KCNK1: variants seen among roughly 807,000 people sequenced by gnomAD.
KCNK1 encodes the protein potassium channel subfamily K member 1.
Under a neutral mutation model 22.2 loss-of-function variants are expected in KCNK1, and 10 were observed. The observed-to-expected ratio is 0.45, with a 90% CI of 0.28 to 0.76. The LOEUF (loss-of-function observed/expected upper bound fraction) is 0.76, where lower values mean the gene tolerates loss of function less well. KCNK1 is among the 30% of genes least tolerant of loss of function. The pLI is 0.14. For synonymous variants in KCNK1, 200 were observed against 186.4 expected (o/e 1.07, Z -0.60); for missense variants, 378 against 421.0 (o/e 0.90, Z 0.89).
chr1:233,642,088 A>G (rs201913496), intron 1 of KCNK1, among the ~76,000 whole-genome samples: 7 of 94,472 alleles, frequency 7.4e-5, no homozygotes, highest in Admixed American at 7.1e-4. Context: ...TTAGGCAAAC[A>G]GAGGGAGGGC....
intron 1 of KCNK1, among the ~76,000 whole-genome samples, chr1:233,626,500 A>G (rs1054677369): frequency 1.3e-5 from 2 of 152,148 alleles, no homozygotes. Flanking sequence ...TTGGTACAGC[A>G]TGCCGTGATG....
chr1:233,625,158 T>C (rs187193446), intron 1 of KCNK1, among the ~76,000 whole-genome samples: 1 of 152,168 alleles, frequency 6.6e-6, no homozygotes, highest in African/African-American at 2.4e-5. Flanking sequence ...TATAAACAGG[T>C]GTGTAAAAAA....
chr1:233,620,953 C>A (rs925979716), intron 1 of KCNK1, among the ~76,000 whole-genome samples: 5 of 152,164 alleles, frequency 3.3e-5, no homozygotes, highest in African/African-American at 1.2e-4. Flanking sequence ...ATATAGGTAT[C>A]ATTGTCTTCA....
intron 1 of KCNK1, among the ~76,000 whole-genome samples, chr1:233,652,347 C>T (rs1274785801): frequency 6.6e-6 from 1 of 152,138 alleles, no homozygotes; most frequent in African/African-American, 2.4e-5. Context: ...TTCTTCCTTA[C>T]CGCTACCCCT....
intron 1 of KCNK1, among the ~76,000 whole-genome samples, chr1:233,619,845 G>A (rs1657547605): frequency 6.7e-6 from 1 of 148,742 alleles, no homozygotes; most frequent in African/African-American, 2.5e-5. Context: ...GGGAGGTGGA[G>A]ATTGCAGTGA....
At position 233,666,680 on chromosome 1, in the gene KCNK1, G is replaced by C. The variant is rs1360630447; in HGVS notation, c.441G>C (p.Leu147=). ...TCATTGGCATTCCCTTCACCCTCCT[G>C]TTCCTGACGGCTGTGGTCCAGCGCA... is the stretch of plus-strand genomic sequence containing the variant. ...YSVIGIPFTL[L]FLTAVVQRIT... The change falls in exon 2 of 3, where the codon CTG becomes CTC. Residue 147 remains leucine, a synonymous_variant. Transcript: ENST00000366621. 1 of 1,613,988 alleles carries C rather than the reference G, an allele frequency of 6.2e-7. No homozygotes were observed. Among genetic ancestry groups the C allele is most frequent in the African/African-American group, 1.3e-5 (1 of 74,900 alleles).
chr1:233,623,302 G>C (rs946956570), intron 1 of KCNK1, among the ~76,000 whole-genome samples: 4 of 152,098 alleles, frequency 2.6e-5, no homozygotes, highest in Non-Finnish European at 5.9e-5. Context: ...GAGGGGGGAT[G>C]GGGAGAGATT....
At position 233,666,681 on chromosome 1, in the gene KCNK1, T is replaced by A. The variant is rs1411403024; in HGVS notation, c.442T>A (p.Phe148Ile). Residue 148 changes from phenylalanine to isoleucine, a missense_variant, in exon 2 of 3, where the codon TTC (phenylalanine) becomes ATC (isoleucine). Coordinates refer to ENST00000366621, the MANE Select transcript of KCNK1 (RefSeq NM_002245.4). ...SVIGIPFTLL[F>I]LTAVVQRITV... ...CATTGGCATTCCCTTCACCCTCCTGTTCCTGACGGCTGTGGTCCAGCGCAT... is the reference window on the plus strand; with the variant it reads ...CATTGGCATTCCCTTCACCCTCCTGATCCTGACGGCTGTGGTCCAGCGCAT... 3.1e-6 allele frequency: 5 copies of A among 1,614,148 alleles called. No individual in the cohort carries two copies. Among genetic ancestry groups the A allele is most frequent in the Non-Finnish European group, 3.4e-6 (4 of 1,180,022 alleles).
At chr1:233,618,336 A>G (rs572197792) in intron 1 of KCNK1, among the ~76,000 whole-genome samples, 40 of 152,278 alleles carry the variant, frequency 2.6e-4, no homozygotes, top group Non-Finnish European at 4.0e-4. Flanking sequence ...TACAAAAAAA[A>G]AGGAGGTATT....
chr1:233,639,069 G>C (rs1270288022), intron 1 of KCNK1, among the ~76,000 whole-genome samples: 1 of 152,164 alleles, frequency 6.6e-6, no homozygotes, highest in Non-Finnish European at 1.5e-5. Flanking sequence ...CCTGGCTGAT[G>C]GGCTCCAGTC....
intron 1 of KCNK1, among the ~76,000 whole-genome samples, chr1:233,645,461 G>C (rs550229697): frequency 6.6e-6 from 1 of 152,280 alleles, no homozygotes; most frequent in South Asian, 2.1e-4. Context: ...GAGACAGAGG[G>C]GGAAGGCATG....
intron 1 of KCNK1, 22 bp from the exon 2 acceptor site, chr1:233,666,573 A>G (rs749821533): frequency 6.4e-7 from 1 of 1,573,556 alleles, no homozygotes; most frequent in Non-Finnish European, 8.6e-7. Flanking sequence ...TCTTCGCCTC[A>G]GTGACCTTGT....
intron 1 of KCNK1, among the ~76,000 whole-genome samples, chr1:233,626,223 G>A (rs911515090): frequency 3.9e-5 from 6 of 152,062 alleles, no homozygotes; most frequent in Non-Finnish European, 7.4e-5. Flanking sequence ...CTGATGGATT[G>A]GATGTGAGGG....
chr1:233,666,460 A>AGT (rs1179035316), intron 1 of KCNK1, 135 bp from the exon 2 acceptor site: 12 of 739,608 alleles, frequency 1.6e-5, no homozygotes, highest in Non-Finnish European at 2.4e-5. Context: ...GAGCCCCTAA[A>AGT]GTGGCAGACC....
At chr1:233,657,999 G>C (rs1199432281) in intron 1 of KCNK1, among the ~76,000 whole-genome samples, 2 of 152,152 alleles carry the variant, frequency 1.3e-5, no homozygotes, top group African/African-American at 4.8e-5. Flanking sequence ...TAGGAAGCAA[G>C]GCCTGATGAG....
At chr1:233,659,418 ATTTTAAATATTT>A (rs1658353366) in intron 1 of KCNK1, among the ~76,000 whole-genome samples, 1 of 148,928 alleles carries the variant, frequency 6.7e-6, no homozygotes, top group Admixed American at 6.7e-5. Flanking sequence ...CATTTTTTTT[ATTTTAAATATTT>A]TTTATTAAAA....
intron 2 of KCNK1, among the ~76,000 whole-genome samples, chr1:233,670,241 C>G (rs701237): frequency 0.67 from 101,499 of 152,046 alleles, 33,931 homozygotes; most frequent in Middle Eastern, 0.71. Context: ...TTCCCAGTAA[C>G]AAACTGGTAA....
At chr1:233,642,388 C>A (rs1658014063) in intron 1 of KCNK1, among the ~76,000 whole-genome samples, 1 of 152,206 alleles carries the variant, frequency 6.6e-6, no homozygotes, top group Non-Finnish European at 1.5e-5. Flanking sequence ...TGTAGCTTTC[C>A]TCTGCTCCAT....
At chr1:233,660,661 C>G (rs1167174266) in intron 1 of KCNK1, 1 of 152,244 alleles carries the variant, frequency 6.6e-6, no homozygotes, top group Non-Finnish European at 1.5e-5. Context: ...CCAACCAGTT[C>G]TGTGTGTGAG....
Sources: allele counts gnomAD v4.1 joint callset (sites outside exome capture counted in the v4.1 genomes callset), GRCh38; gene constraint gnomAD v4.1.1; transcripts MANE v1.5; gene names NCBI Gene and HGNC (gene_info 2026-07-23, HGNC 2026-07-21).